CD300LG: variants seen among roughly 807,000 people sequenced by gnomAD.
CD300LG encodes CD300 molecule like family member g, also known as CMRF35-like molecule 9.
In CD300LG, 29 loss-of-function variants were observed where a neutral mutation model predicts 31.5. The ratio of observed to expected loss-of-function variants is 0.92; its 90% CI spans 0.68 to 1.25. The LOEUF (loss-of-function observed/expected upper bound fraction) is 1.25. Among genes scored for constraint, CD300LG ranks in the 50% most tolerant of loss-of-function variants. The pLI is 0.00. For synonymous variants in CD300LG, 175 were observed against 177.2 expected, an observed-to-expected ratio of 0.99 and a Z score of 0.10; for missense variants, 396 against 417.6, an observed-to-expected ratio of 0.95 and a Z score of 0.45.
At chr17:43,855,388 TC>T in intron 5 of CD300LG, 69 bp downstream of exon 5, 1 of 888,694 alleles carries the variant, frequency 1.1e-6, no homozygotes, top group Non-Finnish European at 1.6e-6. Flanking sequence ...GACCTGCAGC[TC>T]CCCATCCAGC....
intron 2 of CD300LG, 115 bp downstream of exon 2, chr17:43,849,008 T>C (rs1299691531): frequency 1.1e-6 from 1 of 917,588 alleles, no homozygotes; most frequent in African/African-American, 1.7e-5. Context: ...CTCAGGGAGA[T>C]CATGCAGGTC....
Position 43,855,203 on chromosome 17 carries a change from C to G in CD300LG, c.720-4C>G. ...CCACTAGGCTCCTTGCGTCTCGTCT[C>G]CAGGGTGTCCATCCCGATGGTCCGC... On this transcript the variant is annotated splice_polypyrimidine_tract_variant and splice_region_variant and intron_variant, in intron 4 of 6. Coordinates refer to ENST00000317310, the MANE Select transcript of CD300LG (RefSeq NM_145273.4). 3 of 1,598,458 alleles carry G rather than the reference C, an allele frequency of 1.9e-6. No homozygotes were observed. The highest frequency in any genetic ancestry group is 2.6e-6 in the Non-Finnish European group (3 of 1,172,808).
At chr17:43,849,750 T>C (rs2046295225) in intron 2 of CD300LG, 1 of 152,210 alleles carries the variant, frequency 6.6e-6, no homozygotes, top group African/African-American at 2.4e-5. Flanking sequence ...ACACAAGTCG[T>C]TTCCAGCTTT....
At chr17:43,847,399 G>T (rs1185366564) in intron 1 of CD300LG, 140 bp downstream of exon 1, 2 of 725,378 alleles carry the variant, frequency 2.8e-6, no homozygotes, top group Non-Finnish European at 4.1e-6. Context: ...CGGGCTGGGG[G>T]TGGGGGGAGG....
At chr17:43,855,090 T>G in intron 4 of CD300LG, 117 bp from the exon 5 acceptor site, 6 of 159,096 alleles carry the variant, frequency 3.8e-5, no homozygotes, top group East Asian at 2.7e-4. Flanking sequence ...CTCTGCTGCA[T>G]TGAATTGGAT....
At chr17:43,849,258 A>G in intron 2 of CD300LG, 1 of 399,452 alleles carries the variant, frequency 2.5e-6, no homozygotes, top group African/African-American at 2.0e-5. Context: ...GGTGTCAGAG[A>G]TATTCCTGAG....
intron 6 of CD300LG, chr17:43,861,178 T>C (rs570339090): frequency 1.0e-6 from 1 of 985,354 alleles, no homozygotes; most frequent in Non-Finnish European, 1.2e-6. Flanking sequence ...TGATCAACCT[T>C]GCAGGGCCCA....
At chr17:43,855,426 G>A (rs1006120804) in intron 5 of CD300LG, 107 bp downstream of exon 5, 24 of 603,608 alleles carry the variant, frequency 4.0e-5, no homozygotes, top group Non-Finnish European at 5.7e-5. Flanking sequence ...GGGTCTCAGC[G>A]TGTCTGTCTG....
chr17:43,851,744 G>A (rs1433248947), intron 2 of CD300LG, among the ~76,000 whole-genome samples: 3 of 149,142 alleles, frequency 2.0e-5, no homozygotes, highest in African/African-American at 7.5e-5. Context: ...TTTTAGTAGA[G>A]ACAGGGTTTC....
At chr17:43,854,920 A>T (rs1256969534) in intron 4 of CD300LG, among the ~76,000 whole-genome samples, 7 of 152,068 alleles carry the variant, frequency 4.6e-5, no homozygotes, top group African/African-American at 1.7e-4. Flanking sequence ...GGAAATTGAC[A>T]CCCTGGGAGG....
At chr17:43,856,998 C>A in intron 5 of CD300LG, 106 bp from the exon 6 acceptor site, 1 of 1,129,148 alleles carries the variant, frequency 8.9e-7, no homozygotes, top group Non-Finnish European at 1.3e-6. Flanking sequence ...CTGGGAAGCC[C>A]CTGCTCCCGT....
chr17:43,848,832 G>C lies in CD300LG; in HGVS notation c.318G>C (p.Trp106Cys), dbSNP rs570779213. Residue 106 changes from tryptophan (W) to cysteine (C), a missense_variant, in exon 2 of 7, where the codon TGG becomes TGC. Physicochemically the swap from Trp to Cys is radical, Grantham distance 215. Coordinates refer to ENST00000317310, the MANE Select transcript of CD300LG (RefSeq NM_145273.4). ...NLTLQDAGEYWCGVEKRGPDE... is the reference protein window; with the variant it reads ...NLTLQDAGEYCCGVEKRGPDE... ...CCCTGCAAGACGCTGGGGAGTACTG[G>C]TGTGGGGTCGAAAAACGGGGCCCCG... 1.2e-6 allele frequency: 2 copies of C among 1,614,118 alleles called. No homozygotes were observed. Among genetic ancestry groups the C allele is most frequent in the South Asian group, 2.2e-5 (2 of 91,076 alleles).
intron 1 of CD300LG, 139 bp downstream of exon 1, chr17:43,847,398 G>A (rs2046214479): frequency 1.3e-6 from 1 of 777,506 alleles, no homozygotes; most frequent in Non-Finnish European, 1.9e-6. Context: ...GCGGGCTGGG[G>A]GTGGGGGGAG....
In CD300LG at chr17:43,862,018, A is replaced by C; in HGVS notation, c.*107A>C. ...TCAGCCTCAGAGTCCAGCTGCCCGG[A>C]CTCCAGGGCTCTCCCCACCCTCCCC... On this transcript the variant is annotated 3_prime_UTR_variant, in exon 7 of 7. Transcript: ENST00000317310. 1.4e-6 allele frequency: 1 copy of C among 696,944 alleles called. No individual in the cohort carries two copies. Among genetic ancestry groups the C allele is most frequent in the Non-Finnish European group, 2.3e-6 (1 of 440,824 alleles). The allele number at this position is 696,944 out of a possible 1,614,324, so 43.2% of individuals were successfully genotyped here. A position where few individuals can be genotyped will look rare whatever the true frequency, so the allele number is the denominator to read the frequency against.
intron 2 of CD300LG, among the ~76,000 whole-genome samples, chr17:43,851,435 C>T (rs2046350920): frequency 1.3e-5 from 2 of 152,072 alleles, no homozygotes; most frequent in African/African-American, 2.4e-5. Context: ...ATCTGAAACA[C>T]TTCTGTTCCC....
intron 6 of CD300LG, chr17:43,857,541 A>G (rs1477494477): frequency 8.9e-6 from 13 of 1,455,842 alleles, no homozygotes; most frequent in Non-Finnish European, 1.2e-5. Context: ...TTTGAAGCAA[A>G]TCGCCTTTCA....
chr17:43,847,393 C>CTGGGGGTGGGGGGGGGGG, intron 1 of CD300LG, 134 bp downstream of exon 1: 1 of 333,496 alleles, frequency 3.0e-6, no homozygotes, highest in Non-Finnish European at 5.5e-6. Context: ...GCGGGGCGGG[C>CTGGGGGTGGGGGGGGGGG]TGGGGGTGGG....
In CD300LG at chr17:43,849,106, T is replaced by C. The variant is rs1343943832; in HGVS notation, c.379+213T>C. ...TTGCTGCCCGAGGTCACACCAGTAG[T>C]AGATGTCAGAGCAGGACCGGACCCA... On this transcript the variant is annotated intron_variant, in intron 2 of 6. Coordinates refer to ENST00000317310, the MANE Select transcript of CD300LG (RefSeq NM_145273.4). 5 of 601,552 alleles carry C rather than the reference T, an allele frequency of 8.3e-6. No homozygotes were observed. The Admixed American group carries it at 8.9e-5, about 11-fold the overall frequency. 37.3% of individuals were successfully genotyped at this position (601,552 alleles called of 1,614,324 possible). A position where few individuals can be genotyped will look rare whatever the true frequency, so the allele number is the denominator to read the frequency against.
chr17:43,847,284 A>G (rs1469745692), intron 1 of CD300LG, 25 bp downstream of exon 1: 3 of 1,601,476 alleles, frequency 1.9e-6, no homozygotes, highest in Admixed American at 3.4e-5. Context: ...GGGTCTCGGG[A>G]GGGATGTGGG....
Sources: gnomAD v4.1 joint callset for allele counts (sites outside exome capture counted in the v4.1 genomes callset) on GRCh38, gnomAD v4.1.1 for gene constraint, MANE v1.5 for transcripts, NCBI Gene and HGNC (gene_info 2026-07-23, HGNC 2026-07-21) for gene names.